Variants in ZEB1 observed in about 807,000 individuals in gnomAD.
The protein encoded by ZEB1 is zinc finger E-box binding homeobox 1.
Under a neutral mutation model 84.9 loss-of-function variants are expected in ZEB1, and 21 were observed. The ratio of observed to expected loss-of-function variants is 0.25; its 90% CI spans 0.18 to 0.36. The LOEUF (loss-of-function observed/expected upper bound fraction) is 0.36, where lower values mean the gene tolerates loss of function less well. ZEB1 is among the 10% of genes least tolerant of loss of function. The pLI is 1.00. For synonymous variants in ZEB1, 420 were observed against 471.1 expected, an observed-to-expected ratio of 0.89 and a Z score of 1.41; for missense variants, 1,104 against 1,330.2, an observed-to-expected ratio of 0.83 and a Z score of 2.65.
At chr10:31,474,090 C>G (rs2063697303) in intron 2 of ZEB1, among the ~76,000 whole-genome samples, 1 of 152,110 alleles carries the variant, frequency 6.6e-6, no homozygotes, top group African/African-American at 2.4e-5. Flanking sequence ...AATGTTAAAC[C>G]TAAAACCGTA....
At chr10:31,413,059 A>T (rs1332771610) in intron 1 of ZEB1, among the ~76,000 whole-genome samples, 4 of 152,188 alleles carry the variant, frequency 2.6e-5, no homozygotes, top group Non-Finnish European at 5.9e-5. Flanking sequence ...AAATCACAAG[A>T]TTGATTATAT....
At chr10:31,489,664 A>G (rs1289784984) in intron 2 of ZEB1, among the ~76,000 whole-genome samples, 1 of 151,226 alleles carries the variant, frequency 6.6e-6, no homozygotes, top group East Asian at 1.9e-4. Context: ...TGCTCTATGG[A>G]TTAGAATGTA....
intron 1 of ZEB1, among the ~76,000 whole-genome samples, chr10:31,341,408 C>T (rs2039337501): frequency 1.3e-5 from 2 of 152,050 alleles, no homozygotes; most frequent in African/African-American, 4.8e-5. Flanking sequence ...AAGTTTCTAG[C>T]TGAGGTGATT....
Position 31,527,784 on chromosome 10 carries a change from A to G in ZEB1, c.*520A>G, listed in dbSNP as rs1261268077. Reference sequence around the variant, plus strand: ...ACTTCTGCACTACAAAATTCCCTTCACAGAGAAGTATAATGTAGTTCCAAC... The same window carrying G: ...ACTTCTGCACTACAAAATTCCCTTCGCAGAGAAGTATAATGTAGTTCCAAC... On this transcript the variant is annotated 3_prime_UTR_variant, in exon 9 of 9. Transcript: ENST00000424869. The G allele has an allele frequency of 6.2e-6, 1 of 160,960 alleles. No homozygotes were observed. The highest frequency in any genetic ancestry group is 5.9e-5 in the Admixed American group (1 of 16,988). 10.0% of individuals were successfully genotyped at this position (160,960 alleles called of 1,614,324 possible). A position where few individuals can be genotyped will look rare whatever the true frequency, so the allele number is the denominator to read the frequency against.
Position 31,526,828 on chromosome 10 carries a change from A to G in ZEB1, c.2942A>G (p.Asn981Ser), listed in dbSNP as rs767554776. 4 of 1,614,186 alleles carry G rather than the reference A, an allele frequency of 2.5e-6. No homozygotes were observed. The change falls in exon 9 of 9, where the codon AAT (asparagine) becomes AGT (serine). Residue 981 changes from asparagine (N) to serine (S), a missense_variant. By Grantham distance (46) the Asn-to-Ser change is conservative. Transcript: ENST00000424869. ...TCTGGGTCTTATTCTCAACACATGA[A>G]TCATCGCTACTCCTACTGTAAGAGA... ...SHSGSYSQHM[N>S]HRYSYCKREA... is the part of the protein sequence containing the mutation.
Position 31,526,845 on chromosome 10 carries a change from T to C in ZEB1, c.2959T>C (p.Cys987Arg). The C allele has an allele frequency of 6.2e-7, 1 of 1,614,088 alleles. No homozygotes were observed. Residue 987 changes from cysteine to arginine, a missense_variant, in exon 9 of 9, where the codon TGT (cysteine) becomes CGT (arginine). Transcript: ENST00000424869. ...SQHMNHRYSY[C>R]KREAEERDST... ...ACACATGAATCATCGCTACTCCTAC[T>C]GTAAGAGAGAAGCGGAAGAACGTGA... is the stretch of plus-strand genomic sequence containing the variant.
rs372640881 is a variant in ZEB1, at chr10:31,427,828, C to A, written c.59-33209C>A. 2.7e-5 allele frequency among the ~76,000 whole-genome samples: 4 copies of A among 147,760 alleles called. No individual in the cohort carries two copies. In the East Asian group the frequency reaches 6.1e-4, roughly 22 times the overall value. On this transcript the variant is annotated intron_variant, in intron 1 of 8. Transcript: ENST00000424869. ...GAGCCGAGATTGCGCCACTGCACTCCAGCCTGGGCAACTGAGCAAGACTCC... is the reference window on the plus strand; with the variant it reads ...GAGCCGAGATTGCGCCACTGCACTCAAGCCTGGGCAACTGAGCAAGACTCC...
intron 1 of ZEB1, among the ~76,000 whole-genome samples, chr10:31,331,077 C>CTTTTTTTTTTT (rs1238584690): frequency 4.5e-5 from 4 of 89,062 alleles, no homozygotes; most frequent in South Asian, 3.5e-4. Context: ...TTTTTTCTTT[C>CTTTTTTTTTTT]TTTCTTTTTT....
intron 1 of ZEB1, among the ~76,000 whole-genome samples, chr10:31,333,302 A>G (rs924025672): frequency 2.0e-5 from 3 of 151,494 alleles, no homozygotes; most frequent in African/African-American, 7.3e-5. Flanking sequence ...CAGTGCAAGT[A>G]ACAGTATTGG....
chr10:31,351,333 A>C (rs1479100163), intron 1 of ZEB1, among the ~76,000 whole-genome samples: 1 of 152,230 alleles, frequency 6.6e-6, no homozygotes, highest in Non-Finnish European at 1.5e-5. Context: ...ATTAAGTTTT[A>C]AAATTGAGTA....
rs66865546 is a variant in ZEB1, at chr10:31,383,965, C to CT, written c.58+64699dup. On this transcript the variant is annotated intron_variant, in intron 1 of 8. Transcript: ENST00000424869. ...CCTACTCCTGTAACTTAGATTAGTGCTTTTTTTTTTTTTTTTTTTTTTTTT... is the reference window on the plus strand; with the variant it reads ...CCTACTCCTGTAACTTAGATTAGTGCTTTTTTTTTTTTTTTTTTTTTTTTTT... Among the ~76,000 whole-genome samples, 525 of 56,388 alleles carry CT rather than the reference C, an allele frequency of 9.3e-3. 48 individuals are homozygous for CT. Among genetic ancestry groups the CT allele is most frequent in the African/African-American group, 0.023 (319 of 13,850 alleles). The allele number at this position is 56,388 out of a possible 152,430, so 37.0% of individuals were successfully genotyped here. A position where few individuals can be genotyped will look rare whatever the true frequency, so the allele number is the denominator to read the frequency against.
intron 1 of ZEB1, among the ~76,000 whole-genome samples, chr10:31,453,119 C>A: frequency 6.6e-6 from 1 of 152,034 alleles, no homozygotes; most frequent in Non-Finnish European, 1.5e-5. Context: ...TGAGTGCATG[C>A]TTAGGGGCTT....
At chr10:31,437,622 TC>T in intron 1 of ZEB1, among the ~76,000 whole-genome samples, 1 of 152,178 alleles carries the variant, frequency 6.6e-6, no homozygotes, top group Non-Finnish European at 1.5e-5. Flanking sequence ...TCAGGAAAGC[TC>T]CCAGAAAGGA....
intron 1 of ZEB1, among the ~76,000 whole-genome samples, chr10:31,442,116 G>T (rs920616114): frequency 5.3e-5 from 8 of 152,154 alleles, no homozygotes; most frequent in South Asian, 4.1e-4. Context: ...CATGTATGTT[G>T]ATTGCGGCAC....
At chr10:31,442,108 T>C (rs973453180) in intron 1 of ZEB1, among the ~76,000 whole-genome samples, 44 of 152,112 alleles carry the variant, frequency 2.9e-4, no homozygotes, top group Non-Finnish European at 4.7e-4. Context: ...CACATGCACA[T>C]GTATGTTGAT....
intron 1 of ZEB1, among the ~76,000 whole-genome samples, chr10:31,329,065 G>A (rs2036205654): frequency 1.3e-5 from 2 of 152,130 alleles, no homozygotes; most frequent in African/African-American, 4.8e-5. Context: ...ATACCACTAT[G>A]CATGTACATT....
intron 1 of ZEB1, among the ~76,000 whole-genome samples, chr10:31,411,361 G>A (rs575220703): frequency 5.9e-5 from 9 of 152,296 alleles, no homozygotes; most frequent in Non-Finnish European, 1.2e-4. Context: ...CACAGTTAAA[G>A]CAGCTCACGC....
intron 2 of ZEB1, among the ~76,000 whole-genome samples, chr10:31,492,111 A>C (rs1052924977): frequency 6.6e-6 from 1 of 151,888 alleles, no homozygotes; most frequent in African/African-American, 2.4e-5. Flanking sequence ...AAATCTGTGG[A>C]AGTTACTCAT....
intron 2 of ZEB1, among the ~76,000 whole-genome samples, chr10:31,475,450 C>T (rs1418477760): frequency 2.0e-5 from 3 of 152,020 alleles, no homozygotes; most frequent in African/African-American, 7.3e-5. Context: ...CAGAGAGCAC[C>T]TGAAAAATAC....
Sources: allele counts gnomAD v4.1 joint callset (sites outside exome capture counted in the v4.1 genomes callset), GRCh38; gene constraint gnomAD v4.1.1; transcripts MANE v1.5; gene names NCBI Gene and HGNC (gene_info 2026-07-23, HGNC 2026-07-21).